MTFMT: variants seen among roughly 807,000 people sequenced by gnomAD.
MTFMT encodes the protein methionyl-tRNA formyltransferase, mitochondrial.
In MTFMT, 47 loss-of-function variants were observed where a neutral mutation model predicts 51.8. The ratio of observed to expected loss-of-function variants is 0.91; its 90% CI spans 0.72 to 1.16. The LOEUF is 1.16. Among genes scored for constraint, MTFMT ranks in the 50% most tolerant of loss-of-function variants. The pLI is 0.00. For synonymous variants in MTFMT, 196 were observed against 176.7 expected, an observed-to-expected ratio of 1.11 and a Z score of -0.87; for missense variants, 512 against 482.3, an observed-to-expected ratio of 1.06 and a Z score of -0.58.
At chr15:65,017,616 A>G (rs1376578376) in intron 5 of MTFMT, among the ~76,000 whole-genome samples, 2 of 152,160 alleles carry the variant, frequency 1.3e-5, no homozygotes, top group African/African-American at 4.8e-5. Flanking sequence ...TGAGCAACAT[A>G]GTTAGAACTT....
chr15:65,014,230 G>C (rs899564955), intron 6 of MTFMT, among the ~76,000 whole-genome samples: 2 of 151,904 alleles, frequency 1.3e-5, no homozygotes, highest in Non-Finnish European at 2.9e-5. Flanking sequence ...GTCAGAAAGA[G>C]GCTTTCCCCA....
intron 6 of MTFMT, 106 bp downstream of exon 6, chr15:65,016,330 T>G (rs1310741665): frequency 1.5e-6 from 1 of 660,686 alleles, no homozygotes; most frequent in Non-Finnish European, 2.6e-6. Flanking sequence ...ACCTTTTATT[T>G]GGGATATTTT....
At chr15:65,027,250 T>G (rs943859627) in intron 1 of MTFMT, among the ~76,000 whole-genome samples, 5 of 151,088 alleles carry the variant, frequency 3.3e-5, no homozygotes, top group Non-Finnish European at 5.9e-5. Flanking sequence ...CAGGCTGGAG[T>G]GCAGTGGAGC....
At chr15:65,021,060 A>G (rs1292242353) in intron 4 of MTFMT, among the ~76,000 whole-genome samples, 1 of 152,250 alleles carries the variant, frequency 6.6e-6, no homozygotes, top group East Asian at 1.9e-4. Flanking sequence ...AATTATATAT[A>G]CAAAGCCACA....
At chr15:65,027,840 T>C (rs1353126625) in intron 1 of MTFMT, among the ~76,000 whole-genome samples, 1 of 152,228 alleles carries the variant, frequency 6.6e-6, no homozygotes, top group Non-Finnish European at 1.5e-5. Flanking sequence ...AACTTTTCAC[T>C]GTATATCCTT....
chr15:65,007,888 T>TA (rs1303302611), intron 6 of MTFMT, among the ~76,000 whole-genome samples: 1 of 152,176 alleles, frequency 6.6e-6, no homozygotes, highest in Non-Finnish European at 1.5e-5. Flanking sequence ...TGTTGACTTT[T>TA]AATCTTGGGG....
intron 8 of MTFMT, among the ~76,000 whole-genome samples, chr15:65,003,493 G>A (rs1270579269): frequency 6.6e-6 from 1 of 152,100 alleles, no homozygotes; most frequent in Non-Finnish European, 1.5e-5. Flanking sequence ...ACCAAGGAGC[G>A]ATAACAAATG....
intron 1 of MTFMT, among the ~76,000 whole-genome samples, chr15:65,028,999 TG>T (rs1184680450): frequency 1.4e-4 from 21 of 152,144 alleles, no homozygotes; most frequent in Non-Finnish European, 2.1e-4. Flanking sequence ...AAGTGGGACC[TG>T]GTTTTAGTCC....
intron 6 of MTFMT, among the ~76,000 whole-genome samples, chr15:65,012,160 G>T (rs897489286): frequency 2.2e-5 from 3 of 136,508 alleles, no homozygotes; most frequent in Admixed American, 1.5e-4. Flanking sequence ...AAAAAAAAAA[G>T]GTGGGTGGGA....
intron 6 of MTFMT, among the ~76,000 whole-genome samples, chr15:65,010,728 G>A (rs2086257429): frequency 6.6e-6 from 1 of 152,128 alleles, no homozygotes; most frequent in Admixed American, 6.5e-5. Flanking sequence ...ACCTAGGAAA[G>A]GAAATGCTGG....
chr15:65,029,448 C>A lies in MTFMT; in HGVS notation c.166G>T (p.Asp56Tyr), dbSNP rs1457351465. The change falls in exon 1 of 9, where the codon GAC becomes TAC. Residue 56 changes from aspartate to tyrosine, a missense_variant. Transcript: ENST00000220058. ...PPWRVLFFGT[D>Y]QFAREALRAL... is the part of the protein sequence containing the mutation. ...CGCAGCGCCTCGCGGGCGAACTGGTCCGTGCCGAAGAAGAGCACCCGCCAG... is the reference window on the plus strand; with the variant it reads ...CGCAGCGCCTCGCGGGCGAACTGGTACGTGCCGAAGAAGAGCACCCGCCAG... 9.2e-6 allele frequency: 14 copies of A among 1,527,070 alleles called. No individual in the cohort carries two copies. The highest frequency in any genetic ancestry group is 1.1e-5 in the Non-Finnish European group (13 of 1,139,734). The allele number at this position is 1,527,070 out of a possible 1,614,324, so 94.6% of individuals were successfully genotyped here.
intron 5 of MTFMT, 60 bp from the exon 6 acceptor site, chr15:65,016,587 C>G (rs1595890595): frequency 9.1e-7 from 1 of 1,094,078 alleles, no homozygotes; most frequent in African/African-American, 1.5e-5. Flanking sequence ...GAATTGACAG[C>G]TATTGATACT....
intron 3 of MTFMT, among the ~76,000 whole-genome samples, chr15:65,022,819 A>G (rs2086385897): frequency 6.6e-6 from 1 of 150,900 alleles, no homozygotes; most frequent in Admixed American, 6.6e-5. Flanking sequence ...AGATCCTCTC[A>G]CCTCAGCCTC....
At chr15:65,029,348 C>T (rs1423590036) in intron 1 of MTFMT, 57 bp downstream of exon 1, 1 of 1,351,386 alleles carries the variant, frequency 7.4e-7, no homozygotes, top group Admixed American at 4.0e-5. Context: ...GGCCGGCCGC[C>T]CGGGCGCGGC....
intron 6 of MTFMT, 123 bp from the exon 7 acceptor site, chr15:65,006,314 T>C (rs779101971): frequency 3.0e-6 from 2 of 661,844 alleles, no homozygotes. Flanking sequence ...ACTCAGTCAC[T>C]AAGTTTGATG....
At chr15:65,021,389 A>C (rs1282321242) in intron 4 of MTFMT, 125 bp downstream of exon 4, 7 of 687,228 alleles carry the variant, frequency 1.0e-5, no homozygotes, top group Non-Finnish European at 1.8e-5. Context: ...TTAGGAAGCC[A>C]AAGATAGAAA....
chr15:65,014,760 T>G (rs753572258), intron 6 of MTFMT, among the ~76,000 whole-genome samples: 1 of 151,678 alleles, frequency 6.6e-6, no homozygotes, highest in Non-Finnish European at 1.5e-5. Flanking sequence ...TTCTAGTAGC[T>G]GGGATTACAG....
intron 5 of MTFMT, among the ~76,000 whole-genome samples, chr15:65,017,790 T>A (rs1030635071): frequency 6.7e-6 from 1 of 149,806 alleles, no homozygotes; most frequent in African/African-American, 2.5e-5. Context: ...AGAGACCCTA[T>A]CTTAAAAAAA....
At chr15:65,011,031 G>A (rs1284286392) in intron 6 of MTFMT, among the ~76,000 whole-genome samples, 2 of 150,470 alleles carry the variant, frequency 1.3e-5, no homozygotes, top group East Asian at 3.9e-4. Context: ...TGAAACAAAT[G>A]TCTACTCAGG....
Sources: allele counts gnomAD v4.1 joint callset (sites outside exome capture counted in the v4.1 genomes callset), GRCh38; gene constraint gnomAD v4.1.1; transcripts MANE v1.5; gene names NCBI Gene and HGNC (gene_info 2026-07-23, HGNC 2026-07-21).